The following MACF1 variants were observed in gnomAD, a reference collection of about 807,000 sequenced individuals.
MACF1 encodes microtubule actin crosslinking factor 1.
MACF1 carries 193 observed loss-of-function variants against 854.8 expected under a neutral mutation model. The ratio of observed to expected loss-of-function variants is 0.23; its 90% confidence interval spans 0.20 to 0.25. The LOEUF (loss-of-function observed/expected upper bound fraction) is 0.25. MACF1 is among the 10% of genes least tolerant of loss of function. The probability of loss-of-function intolerance (pLI) is 1.00; values close to 1 mark genes in which losing one functional copy is unlikely to be tolerated. For synonymous variants in MACF1, 3,185 were observed against 3,226.7 expected (o/e 0.99, Z 0.44); for missense variants, 7,722 against 8,929.1 (o/e 0.86, Z 5.45).
rs1211075014 is a variant in MACF1, at chr1:39,409,336, C to G, written c.15817-13038C>G. Among the ~76,000 whole-genome samples the G allele has an allele frequency of 6.6e-6, 1 of 152,114 alleles. No individual in the cohort carries two copies. The highest frequency in any genetic ancestry group is 1.9e-4 in the East Asian group (1 of 5,184). ...GGCGGGCGAGGCGGCGCCCACAGCACTCGGGACTCAGCTGCCGGAGGGACA... is the reference window on the plus strand; with the variant it reads ...GGCGGGCGAGGCGGCGCCCACAGCAGTCGGGACTCAGCTGCCGGAGGGACA... On this transcript the variant is annotated intron_variant, in intron 58 of 100. Transcript: ENST00000564288. This position sits in a 1 kb window ranked among gnomAD's most constrained non-coding sequence, Gnocchi z 4.2.
chr1:39,311,060 G>A, intron 26 of MACF1, 60 bp downstream of exon 26: 3 of 1,555,810 alleles, frequency 1.9e-6, no homozygotes, highest in Non-Finnish European at 2.6e-6. Flanking sequence ...GAGTTCATTG[G>A]ATGGCAAGAG....
chr1:39,130,110 G>T (rs1287315212), intron 2 of MACF1, among the ~76,000 whole-genome samples: 1 of 151,838 alleles, frequency 6.6e-6, no homozygotes, highest in Non-Finnish European at 1.5e-5. Context: ...TTGAAATGTC[G>T]GTACCTGCCC....
chr1:39,270,232 G>C (rs538713306), intron 6 of MACF1, among the ~76,000 whole-genome samples: 27 of 152,246 alleles, frequency 1.8e-4, no homozygotes, highest in Non-Finnish European at 3.4e-4. Flanking sequence ...AATTTCTGAC[G>C]GCAGCACTCA....
At chr1:39,366,943 CTTTTTTTTTTT>C (rs138556133) in intron 49 of MACF1, among the ~76,000 whole-genome samples, 1 of 93,028 alleles carries the variant, frequency 1.1e-5, no homozygotes, top group Admixed American at 1.2e-4. Context: ...CATGCCTGGC[CTTTTTTTTTTT>C]TTTTTTTTTT....
At chr1:39,362,022 T>G (rs558545276) in intron 49 of MACF1, among the ~76,000 whole-genome samples, 1 of 152,320 alleles carries the variant, frequency 6.6e-6, no homozygotes, top group African/African-American at 2.4e-5. Flanking sequence ...TTTATTTACA[T>G]TTTATTAGTC....
chr1:39,256,595 A>G (rs1158985016), intron 5 of MACF1, among the ~76,000 whole-genome samples: 1 of 152,128 alleles, frequency 6.6e-6, no homozygotes, highest in Non-Finnish European at 1.5e-5. Context: ...GGAGGCTAAC[A>G]GAGGTGAAGT....
In MACF1 at chr1:39,296,747, A is replaced by AAGGAAGG. The variant is rs1557571161; in HGVS notation, c.2355+866_2355+867insGGAAGGA. Among the ~76,000 whole-genome samples, 21 of 37,998 alleles carry AAGGAAGG rather than the reference A, an allele frequency of 5.5e-4. 2 individuals are homozygous for AAGGAAGG. Among genetic ancestry groups the AAGGAAGG allele is most frequent in the Admixed American group, 1.7e-3 (5 of 2,930 alleles). 24.9% of individuals were successfully genotyped at this position (37,998 alleles called of 152,430 possible). ...TCTAAATAAAAAGAAAGAAAGAAAGAAAGAAAGGAAGGAAGGAAGGAAGGA... is the reference window on the plus strand; with the variant it reads ...TCTAAATAAAAAGAAAGAAAGAAAGAAGGAAGGAAGAAAGGAAGGAAGGAAGGAAGGA... On this transcript the variant is annotated intron_variant, in intron 20 of 100. Transcript: ENST00000564288.
chr1:39,091,644 C>T lies in MACF1; in HGVS notation c.220+7206C>T, dbSNP rs577195793. On this transcript the variant is annotated intron_variant, in intron 2 of 93. Coordinates refer to the MACF1 transcript ENST00000361689. The stretch of plus-strand genomic sequence containing the variant: ...TGGAGTAGCTGGGACTACAGGTGTG[C>T]GCCACCATGCCCAGCTGATTTTTGT... Among the ~76,000 whole-genome samples, 7 of 152,140 alleles carry T rather than the reference C, an allele frequency of 4.6e-5. No homozygotes were observed. In the South Asian group the frequency reaches 1.0e-3, roughly 23 times the overall value.
chr1:39,451,849 T>C (rs1260157415), intron 85 of MACF1, among the ~76,000 whole-genome samples: 1 of 152,084 alleles, frequency 6.6e-6, no homozygotes, highest in Non-Finnish European at 1.5e-5. Flanking sequence ...TACAGCCACA[T>C]TTTCTGGTTG....
chr1:39,375,927 A>G (rs1557617715), intron 52 of MACF1, among the ~76,000 whole-genome samples: 1 of 152,228 alleles, frequency 6.6e-6, no homozygotes, highest in African/African-American at 2.4e-5. Context: ...AACTGTGTAG[A>G]TGTACAGAGA....
intron 58 of MACF1, chr1:39,410,470 A>G: frequency 6.2e-7 from 1 of 1,614,084 alleles, no homozygotes; most frequent in South Asian, 1.1e-5. Flanking sequence ...GGAAGGAAGT[A>G]CTATATCCAG....
intron 52 of MACF1, among the ~76,000 whole-genome samples, chr1:39,377,483 G>A (rs1350324395): frequency 1.3e-5 from 2 of 152,086 alleles, no homozygotes; most frequent in South Asian, 2.1e-4. Context: ...TGAAATATAA[G>A]GAATCAGTTT....
At chr1:39,317,126 G>A in intron 28 of MACF1, 88 bp from the exon 29 acceptor site, 4 of 1,304,056 alleles carry the variant, frequency 3.1e-6, no homozygotes, top group Middle Eastern at 2.5e-4. Context: ...GGAAATAGCT[G>A]TAGACCGTGT....
rs1189558802 is a variant in MACF1, at chr1:39,084,646, C to T, written c.220+208C>T. ...AGGAAAATCTGCCACCCCTTGCTCA[C>T]GTGAGACCTGTTTTCATTTCTGCAC... is the stretch of plus-strand genomic sequence containing the variant. On this transcript the variant is annotated intron_variant, in intron 2 of 93. Transcript: ENST00000361689. This position sits in a 1 kb window ranked among gnomAD's most constrained non-coding sequence, Gnocchi z 5.2. Among the ~76,000 whole-genome samples the T allele has an allele frequency of 2.0e-5, 3 of 152,230 alleles. No homozygotes were observed. Among genetic ancestry groups the T allele is most frequent in the African/African-American group, 4.8e-5 (2 of 41,464 alleles).
In MACF1 at chr1:39,434,642, A is replaced by G. The variant is rs763019087; in HGVS notation, c.17784+10A>G. On this transcript the variant is annotated intron_variant, in intron 69 of 100. Coordinates refer to ENST00000564288, the MANE Select transcript of MACF1 (RefSeq NM_001394062.1). ...ACAAGAGGAAATGAGGGTAAGGAGC[A>G]TGCCAAGTTTCATTTTATTGTTCTA... 1 of 1,610,888 alleles carries G rather than the reference A, an allele frequency of 6.2e-7. No homozygotes were observed. Among genetic ancestry groups the G allele is most frequent in the Non-Finnish European group, 8.5e-7 (1 of 1,177,874 alleles).
chr1:39,142,741 C>T (rs1185338218), intron 2 of MACF1, among the ~76,000 whole-genome samples: 1 of 152,222 alleles, frequency 6.6e-6, no homozygotes, highest in East Asian at 1.9e-4. Context: ...TGACATGAGC[C>T]TCAGCCCTGC....
intron 36 of MACF1, among the ~76,000 whole-genome samples, chr1:39,330,602 T>C (rs144401175): frequency 1.3e-5 from 2 of 152,302 alleles, no homozygotes; most frequent in Non-Finnish European, 2.9e-5. Context: ...TACCACCCTG[T>C]AGAGCTTGTC....
chr1:39,374,565 G>T (rs1215920661), intron 52 of MACF1, among the ~76,000 whole-genome samples: 1 of 152,112 alleles, frequency 6.6e-6, no homozygotes, highest in Admixed American at 6.5e-5. Flanking sequence ...ACTATTTTAG[G>T]TTTGCAGGGT....
At chr1:39,221,668 T>C (rs2148291296) in intron 1 of MACF1, among the ~76,000 whole-genome samples, 1 of 152,350 alleles carries the variant, frequency 6.6e-6, no homozygotes, top group East Asian at 1.9e-4. Flanking sequence ...TAAAAGGCTA[T>C]TTAAAATAGC....
Sources: gnomAD v4.1 joint callset for allele counts (sites outside exome capture counted in the v4.1 genomes callset) on GRCh38, gnomAD v4.1.1 for gene constraint, Gnocchi (gnomAD v3.1) non-coding constraint, MANE v1.5 for transcripts, NCBI Gene and HGNC (gene_info 2026-07-23, HGNC 2026-07-21) for gene names.